The following MED17 variants were observed in gnomAD, a reference collection of about 807,000 sequenced individuals.
MED17 encodes mediator of RNA polymerase II transcription subunit 17.
A neutral mutation model predicts 80.8 loss-of-function variants in MED17; 49 were observed. The ratio of observed to expected loss-of-function variants is 0.61; its 90% CI spans 0.48 to 0.77. MED17 has a LOEUF of 0.77. Among genes scored for constraint, MED17 ranks in the 30% least tolerant of loss-of-function variants. The probability of loss-of-function intolerance (pLI) is 0.00; values close to 1 mark genes in which losing one functional copy is unlikely to be tolerated. For synonymous variants in MED17, 281 were observed against 280.4 expected, an observed-to-expected ratio of 1.00 and a Z score of -0.02; for missense variants, 718 against 787.0, an observed-to-expected ratio of 0.91 and a Z score of 1.05.
At chr11:93,799,820 G>C (rs561870612) in intron 8 of MED17, among the ~76,000 whole-genome samples, 1 of 152,212 alleles carries the variant, frequency 6.6e-6, no homozygotes, top group South Asian at 2.1e-4. Flanking sequence ...CATGCACAGT[G>C]AGATCTCTTG....
chr11:93,801,869 AT>A lies in MED17; in HGVS notation c.1365del (p.Ile455MetfsTer21). ...AATIDSLASR[I>X]EDPQIQAHWS... is the part of the protein sequence containing the mutation. ...AACCATTGACAGCTTAGCAAGCCGA[AT>A]TGAGGATCCTCAGATACAGGCTCAT... On this transcript the variant is annotated frameshift_variant, in exon 9 of 12. Coordinates refer to ENST00000251871, the MANE Select transcript of MED17 (RefSeq NM_004268.5). LOFTEE classifies it high-confidence loss of function. The A allele has an allele frequency of 6.2e-7, 1 of 1,613,770 alleles. No homozygotes were observed. The highest frequency in any genetic ancestry group is 8.5e-7 in the Non-Finnish European group (1 of 1,179,920).
intron 9 of MED17, among the ~76,000 whole-genome samples, chr11:93,803,994 T>TGTGC (rs1377049876): frequency 9.4e-3 from 21 of 2,240 alleles, no homozygotes; most frequent in African/African-American, 0.012. Flanking sequence ...TGTATATATG[T>TGTGC]GTGTGTATAT....
chr11:93,786,408 C>G (rs1255981564), intron 1 of MED17, among the ~76,000 whole-genome samples: 3 of 151,894 alleles, frequency 2.0e-5, no homozygotes, highest in African/African-American at 7.3e-5. Flanking sequence ...GGTAGTGATT[C>G]TGAAAGACAA....
chr11:93,809,985 T>C lies in MED17; in HGVS notation c.1744+109T>C, dbSNP rs1048475510. The C allele has an allele frequency of 2.9e-5, 33 of 1,119,398 alleles. No individual in the cohort carries two copies. In the South Asian group the frequency reaches 4.0e-4, roughly 13 times the overall value. 69.3% of individuals were successfully genotyped at this position (1,119,398 alleles called of 1,614,324 possible). On this transcript the variant is annotated intron_variant, in intron 11 of 11. Transcript: ENST00000251871. ...GTAATTTATCTCTGCAATAAATTAG[T>C]TAATGTTGTATTTACACCGAATGTT...
At chr11:93,784,905 T>A in intron 1 of MED17, 142 bp downstream of exon 1, 1 of 1,234,964 alleles carries the variant, frequency 8.1e-7, no homozygotes, top group Non-Finnish European at 1.1e-6. Context: ...GGATACTTGG[T>A]CGTCATCTTT....
intron 2 of MED17, 134 bp downstream of exon 2, chr11:93,788,301 T>C (rs914506389): frequency 2.2e-5 from 16 of 720,036 alleles, no homozygotes; most frequent in African/African-American, 3.6e-5. Context: ...GACTAACTGG[T>C]CTAAAACAAA....
rs962430597 is a variant in MED17, at chr11:93,793,943, T to C, written c.775-8T>C. ...TTGTTAACTTTTTTTGTTTTTGTTG[T>C]CATATAGGTTTCAATACAAAAACAG... On this transcript the variant is annotated splice_region_variant and splice_polypyrimidine_tract_variant and intron_variant, in intron 4 of 11. Transcript: ENST00000251871. The C allele has an allele frequency of 1.2e-6, 2 of 1,613,756 alleles. No individual in the cohort carries two copies. The highest frequency in any genetic ancestry group is 2.7e-5 in the African/African-American group (2 of 74,876).
chr11:93,784,555 C>G lies in MED17; in HGVS notation c.42C>G (p.Ala14=), dbSNP rs1943747142. Residue 14 remains alanine, a synonymous_variant, in exon 1 of 12, where the codon GCC becomes GCG. Coordinates refer to ENST00000251871, the MANE Select transcript of MED17 (RefSeq NM_004268.5). ...CAGTGCGGATCAGCATCGAATCGGC[C>G]TGCGAGAAGCAGGTCCATGAGGTGG... ...VRAVRISIES[A]CEKQVHEVGL... The G allele has an allele frequency of 1.2e-6, 2 of 1,612,646 alleles. No homozygotes were observed. The highest frequency in any genetic ancestry group is 1.7e-5 in the Admixed American group (1 of 60,008).
intron 9 of MED17, among the ~76,000 whole-genome samples, chr11:93,804,687 A>G (rs1266793884): frequency 6.6e-6 from 1 of 152,226 alleles, no homozygotes; most frequent in Non-Finnish European, 1.5e-5. Context: ...CATAATACAC[A>G]TAACAAAATT....
intron 9 of MED17, 46 bp from the exon 10 acceptor site, chr11:93,807,472 A>C (rs1944038538): frequency 2.1e-6 from 2 of 974,412 alleles, no homozygotes; most frequent in Non-Finnish European, 3.4e-6. Context: ...AAATTGTATA[A>C]GATAATTTTG....
chr11:93,797,699 G>A lies in MED17; in HGVS notation c.1308G>A (p.Lys436=). The A allele has an allele frequency of 1.9e-6, 3 of 1,613,262 alleles. No homozygotes were observed. Among genetic ancestry groups the A allele is most frequent in the South Asian group, 1.1e-5 (1 of 91,028 alleles). Residue 436 remains lysine (K), a synonymous_variant, in exon 8 of 12, where the codon AAG becomes AAA. Coordinates refer to ENST00000251871, the MANE Select transcript of MED17 (RefSeq NM_004268.5). ...TGGAAAAAATAATTAAACAAGCAAA[G>A]CATATTTTTCTAAGGAGTAGGTAAG... ...GLLEKIIKQA[K]HIFLRSRAAA...
chr11:93,790,897 A>G (rs1000675545), intron 3 of MED17, 104 bp downstream of exon 3: 8 of 1,015,090 alleles, frequency 7.9e-6, no homozygotes, highest in Non-Finnish European at 7.5e-6. Context: ...ACTTGAGGCC[A>G]GGAGTTCAAG....
In MED17 at chr11:93,803,993, G is replaced by GTA. The variant is rs1337652948; in HGVS notation, c.1466+2022_1466+2023insAT. Among the ~76,000 whole-genome samples, 8 of 2,322 alleles carry GTA rather than the reference G, an allele frequency of 3.4e-3. No homozygotes were observed. In the East Asian group the frequency reaches 0.074, roughly 21 times the overall value. The allele number at this position is 2,322 out of a possible 152,430, so 1.5% of individuals were successfully genotyped here. ...TATATGTGTGTGTGTGTGTATATAT[G>GTA]TGTGTGTATATATATATATATATAT... On this transcript the variant is annotated intron_variant, in intron 9 of 11. Transcript: ENST00000251871.
At chr11:93,809,559 TC>T in intron 10 of MED17, 157 bp from the exon 11 acceptor site, 1 of 741,978 alleles carries the variant, frequency 1.3e-6, no homozygotes, top group East Asian at 2.6e-5. Context: ...TCCTATTCCC[TC>T]CCCCTAAGTT....
intron 10 of MED17, 101 bp downstream of exon 10, chr11:93,807,736 G>GAA: frequency 1.2e-6 from 1 of 821,800 alleles, no homozygotes; most frequent in Admixed American, 1.9e-5. Flanking sequence ...TGTGTAAGAA[G>GAA]AAAAAAAATT....
At chr11:93,800,325 TA>T (rs1225596104) in intron 8 of MED17, among the ~76,000 whole-genome samples, 10 of 152,006 alleles carry the variant, frequency 6.6e-5, no homozygotes, top group African/African-American at 1.7e-4. Context: ...TTTTTATTAT[TA>T]TTTTTTTAAT....
At chr11:93,796,571 T>G in intron 7 of MED17, 31 bp downstream of exon 7, 1 of 1,612,438 alleles carries the variant, frequency 6.2e-7, no homozygotes. Flanking sequence ...CTTTGCGCTG[T>G]GGTGAGTATG....
chr11:93,797,212 G>T, intron 7 of MED17: 2 of 289,014 alleles, frequency 6.9e-6, no homozygotes, highest in Non-Finnish European at 1.3e-5. Flanking sequence ...TAAAGCTTGA[G>T]ATCCTTTTGT....
intron 10 of MED17, chr11:93,808,116 C>G: frequency 5.6e-6 from 1 of 179,118 alleles, no homozygotes; most frequent in South Asian, 1.2e-4. Flanking sequence ...ATAATCCCAG[C>G]ACTTTGGGAG....
Sources: gnomAD v4.1 joint callset for allele counts (sites outside exome capture counted in the v4.1 genomes callset) on GRCh38, gnomAD v4.1.1 for gene constraint, MANE v1.5 for transcripts, NCBI Gene and HGNC (gene_info 2026-07-23, HGNC 2026-07-21) for gene names.